The following NTM variants were observed in gnomAD, a reference collection of about 807,000 sequenced individuals.
The protein encoded by NTM is neurotrimin.
A neutral mutation model predicts 42.1 loss-of-function variants in NTM; 13 were observed. The observed-to-expected ratio is 0.31, with a 90% CI of 0.20 to 0.49. The LOEUF (loss-of-function observed/expected upper bound fraction) is 0.49. Ranked by LOEUF, NTM falls within the 20% of genes least tolerant of loss-of-function variation. NTM has a pLI of 0.99. For synonymous variants in NTM, 187 were observed against 179.2 expected, an observed-to-expected ratio of 1.04 and a Z score of -0.35; for missense variants, 373 against 452.8, an observed-to-expected ratio of 0.82 and a Z score of 1.60.
intron 1 of NTM, among the ~76,000 whole-genome samples, chr11:131,655,684 T>C (rs1018921546): frequency 2.0e-5 from 3 of 152,144 alleles, no homozygotes; most frequent in South Asian, 2.1e-4. Flanking sequence ...GGGAGGACAA[T>C]TGAGATCCCC....
At chr11:132,029,663 T>C (rs2075669590) in intron 2 of NTM, among the ~76,000 whole-genome samples, 1 of 152,092 alleles carries the variant, frequency 6.6e-6, no homozygotes, top group Admixed American at 6.5e-5. Context: ...CAAAAAATAA[T>C]CATATGGGCC....
chr11:131,531,326 G>T (rs2136671083), intron 1 of NTM, among the ~76,000 whole-genome samples: 1 of 152,144 alleles, frequency 6.6e-6, no homozygotes, highest in Non-Finnish European at 1.5e-5. Context: ...GGGGGAGGTG[G>T]GGGTAAAGAT....
At chr11:132,059,291 T>A (rs1331583870) in intron 2 of NTM, among the ~76,000 whole-genome samples, 1 of 152,076 alleles carries the variant, frequency 6.6e-6, no homozygotes, top group African/African-American at 2.4e-5. Flanking sequence ...CTCCTCACCC[T>A]CCTCTCCTCA....
chr11:131,840,252 G>A (rs1011914129), intron 1 of NTM, among the ~76,000 whole-genome samples: 6 of 152,172 alleles, frequency 3.9e-5, no homozygotes, highest in African/African-American at 2.4e-5. Context: ...AAACGCCTAA[G>A]GATTGAATCC....
chr11:132,311,866 G>C (rs1465025479), intron 6 of NTM, among the ~76,000 whole-genome samples: 1 of 152,170 alleles, frequency 6.6e-6, no homozygotes, highest in Non-Finnish European at 1.5e-5. Context: ...AGCATCTCTG[G>C]TCACAATAGG....
chr11:131,897,076 T>C (rs1389961813), intron 1 of NTM: 2 of 152,234 alleles, frequency 1.3e-5, no homozygotes, highest in African/African-American at 2.4e-5. Context: ...CATGCGTTGC[T>C]GCGTCTCTAA....
At chr11:132,175,611 A>G (rs1450456187) in intron 3 of NTM, among the ~76,000 whole-genome samples, 3 of 151,190 alleles carry the variant, frequency 2.0e-5, no homozygotes, top group Admixed American at 1.3e-4. Flanking sequence ...TTTTTCAGAC[A>G]GAGTCTCGCT....
At chr11:132,229,746 G>A (rs1367154718) in intron 4 of NTM, among the ~76,000 whole-genome samples, 1 of 152,148 alleles carries the variant, frequency 6.6e-6, no homozygotes, top group African/African-American at 2.4e-5. Context: ...ATATGGCCCA[G>A]AGCCTGGCTC....
intron 1 of NTM, among the ~76,000 whole-genome samples, chr11:131,865,429 G>A (rs560108901): frequency 9.8e-5 from 15 of 152,336 alleles, no homozygotes; most frequent in South Asian, 2.1e-4. Flanking sequence ...GGTTACCACC[G>A]GAGCTATTCC....
chr11:131,915,185 A>T (rs2056090176), intron 2 of NTM, among the ~76,000 whole-genome samples: 1 of 152,190 alleles, frequency 6.6e-6, no homozygotes, highest in African/African-American at 2.4e-5. Context: ...GAAATCACAT[A>T]AGCAGCCAGT....
At chr11:132,028,731 G>T (rs905696350) in intron 2 of NTM, among the ~76,000 whole-genome samples, 10 of 152,156 alleles carry the variant, frequency 6.6e-5, no homozygotes, top group African/African-American at 2.4e-4. Flanking sequence ...TCCCTTCCCT[G>T]CATCATTAGG....
At chr11:131,685,153 G>A (rs2658848) in intron 1 of NTM, among the ~76,000 whole-genome samples, 48,161 of 152,074 alleles carry the variant, frequency 0.32, 8,916 homozygotes, top group African/African-American at 0.51. Context: ...GGGATTAATG[G>A]TGGCCCTTTG....
rs147915245 is a variant in NTM, at chr11:131,657,782, C to T, written c.83-253782C>T. Reference sequence around the variant, plus strand: ...CAAAGGTCTGGAAACCTCGAGCTTTCTTACAACTCATTTTGCAGAAAACCC... The same window carrying T: ...CAAAGGTCTGGAAACCTCGAGCTTTTTTACAACTCATTTTGCAGAAAACCC... On this transcript the variant is annotated intron_variant, in intron 1 of 8. Coordinates refer to ENST00000683400, the MANE Select transcript of NTM (RefSeq NM_001352005.2). Among the ~76,000 whole-genome samples the T allele has an allele frequency of 3.4e-3, 516 of 152,338 alleles. 4 individuals carry two copies. Among genetic ancestry groups the T allele is most frequent in the African/African-American group, 0.012 (491 of 41,588 alleles).
At chr11:131,425,764 T>C (rs1254737384) in intron 1 of NTM, among the ~76,000 whole-genome samples, 1 of 152,076 alleles carries the variant, frequency 6.6e-6, no homozygotes, top group Non-Finnish European at 1.5e-5. Flanking sequence ...TCATGTAGGA[T>C]CACTGGATAT....
intron 1 of NTM, among the ~76,000 whole-genome samples, chr11:131,601,239 G>A (rs2060460047): frequency 6.6e-6 from 1 of 152,146 alleles, no homozygotes; most frequent in Non-Finnish European, 1.5e-5. Flanking sequence ...TGGTGGCAGC[G>A]AGGTCACCCC....
chr11:131,877,649 A>T (rs2048734022), intron 1 of NTM: 1 of 152,246 alleles, frequency 6.6e-6, no homozygotes, highest in Admixed American at 6.5e-5. Context: ...ACACTTATGG[A>T]ATAAATGGAA....
chr11:131,969,063 TA>T (rs1409200385), intron 2 of NTM, among the ~76,000 whole-genome samples: 1 of 152,210 alleles, frequency 6.6e-6, no homozygotes, highest in Non-Finnish European at 1.5e-5. Context: ...AATTCAAGAT[TA>T]AAAACAGAAG....
Position 132,002,995 on chromosome 11 carries a change from G to T in NTM, c.167+91347G>T, listed in dbSNP as rs1468373444. ...AAGCTTTTACTGTCCGCCTGTCAAA[G>T]TTCCTGAGCAGCAGCTGATTTCTGG... On this transcript the variant is annotated intron_variant, in intron 2 of 8. Transcript: ENST00000683400. The surrounding 1 kb of genome is among the most constrained non-coding windows in gnomAD (Gnocchi z 4.5). Among the ~76,000 whole-genome samples, 1 of 152,154 alleles carries T rather than the reference G, an allele frequency of 6.6e-6. No homozygotes were observed. Among genetic ancestry groups the T allele is most frequent in the Non-Finnish European group, 1.5e-5 (1 of 68,040 alleles).
chr11:131,978,910 C>T (rs1300874949), intron 2 of NTM, among the ~76,000 whole-genome samples: 2 of 152,136 alleles, frequency 1.3e-5, no homozygotes, highest in African/African-American at 2.4e-5. Context: ...CACGTATTAA[C>T]ATTCTGTGGC....
Sources: gnomAD v4.1 joint callset for allele counts (sites outside exome capture counted in the v4.1 genomes callset) on GRCh38, gnomAD v4.1.1 for gene constraint, Gnocchi (gnomAD v3.1) non-coding constraint, MANE v1.5 for transcripts, NCBI Gene and HGNC (gene_info 2026-07-23, HGNC 2026-07-21) for gene names.